The following BCHE variants were observed in gnomAD, a reference collection of about 807,000 sequenced individuals.
BCHE encodes butyrylcholinesterase, also known as cholinesterase.
BCHE carries 48 observed loss-of-function variants against 51.3 expected under a neutral mutation model. The ratio of observed to expected loss-of-function variants is 0.94; its 90% CI spans 0.74 to 1.19. The LOEUF (loss-of-function observed/expected upper bound fraction) is 1.19, where lower values mean the gene tolerates loss of function less well. Ranked by LOEUF, BCHE falls within the 50% of genes most tolerant of loss-of-function variation. The pLI is 0.00. For synonymous variants in BCHE, 251 were observed against 238.0 expected (o/e 1.05, Z -0.50); for missense variants, 847 against 708.2 (o/e 1.20, Z -2.23).
chr3:165,834,286 T>G (rs866649820), intron 1 of BCHE, among the ~76,000 whole-genome samples: 2 of 152,038 alleles, frequency 1.3e-5, no homozygotes, highest in African/African-American at 2.4e-5. Flanking sequence ...TCTTGTTATA[T>G]AATAATATGG....
intron 1 of BCHE, 34 bp from the exon 2 acceptor site, chr3:165,831,075 C>A (rs759028159): frequency 7.9e-6 from 12 of 1,520,398 alleles, no homozygotes; most frequent in Non-Finnish European, 1.1e-5. Context: ...TTTTATAAGC[C>A]TTCTGCATAT....
At chr3:165,804,562 G>A (rs1007163586) in intron 2 of BCHE, among the ~76,000 whole-genome samples, 3 of 152,178 alleles carry the variant, frequency 2.0e-5, no homozygotes, top group Non-Finnish European at 4.4e-5. Context: ...GAGGGAGGTA[G>A]AGAGGACTTG....
chr3:165,799,116 T>C (rs1713539197), intron 2 of BCHE, among the ~76,000 whole-genome samples: 1 of 152,154 alleles, frequency 6.6e-6, no homozygotes, highest in Admixed American at 6.5e-5. Flanking sequence ...TTTTTCAACT[T>C]TTAAGTTAAA....
intron 3 of BCHE, among the ~76,000 whole-genome samples, chr3:165,776,442 T>C (rs1192179427): frequency 2.0e-5 from 3 of 151,814 alleles, no homozygotes; most frequent in Admixed American, 6.6e-5. Flanking sequence ...ATAATAGCAA[T>C]GTTGATTGTC....
chr3:165,794,326 G>T (rs1480633529), intron 2 of BCHE, among the ~76,000 whole-genome samples: 1 of 152,098 alleles, frequency 6.6e-6, no homozygotes, highest in Non-Finnish European at 1.5e-5. Context: ...AAAGAAAAAT[G>T]TAAGTATTTT....
chr3:165,826,700 C>T (rs1018640997), intron 2 of BCHE, among the ~76,000 whole-genome samples: 15 of 152,040 alleles, frequency 9.9e-5, no homozygotes, highest in African/African-American at 2.2e-4. Flanking sequence ...TAAAACATTT[C>T]ATGAATCATG....
At chr3:165,773,566 A>C in intron 3 of BCHE, 60 bp from the exon 4 acceptor site, 2 of 1,444,254 alleles carry the variant, frequency 1.4e-6, no homozygotes, top group Non-Finnish European at 1.9e-6. Context: ...TTAACTGAAA[A>C]ATAATTTCGA....
At chr3:165,811,030 C>T (rs139708521) in intron 2 of BCHE, among the ~76,000 whole-genome samples, 46 of 152,088 alleles carry the variant, frequency 3.0e-4, no homozygotes, top group East Asian at 1.9e-3. Flanking sequence ...TGCACAGTGA[C>T]GATACAAGTA....
chr3:165,793,056 G>C (rs551615316), intron 2 of BCHE, among the ~76,000 whole-genome samples: 5 of 152,028 alleles, frequency 3.3e-5, no homozygotes, highest in African/African-American at 9.6e-5. Flanking sequence ...TCTAAATTTG[G>C]TTTTGTTACC....
In BCHE at chr3:165,830,696, T is replaced by A; in HGVS notation, c.338A>T (p.Asn113Ile). 1 of 1,613,912 alleles carries A rather than the reference T, an allele frequency of 6.2e-7. No individual in the cohort carries two copies. Among genetic ancestry groups the A allele is most frequent in the East Asian group, 2.2e-5 (1 of 44,888 alleles). Residue 113 changes from asparagine to isoleucine, a missense_variant, in exon 2 of 4, where the codon AAC becomes ATC. Asn to Ile is a moderately radical substitution (Grantham distance 149). Coordinates refer to ENST00000264381, the MANE Select transcript of BCHE (RefSeq NM_000055.4). ...GFHGSEMWNP[N>I]TDLSEDCLYL... The stretch of plus-strand genomic sequence containing the variant: ...TAAACAGTCTTCACTGAGGTCAGTG[T>A]TTGGGTTCCACATCTCTGATCCATG...
chr3:165,806,582 G>A (rs1298021727), intron 2 of BCHE, among the ~76,000 whole-genome samples: 1 of 151,714 alleles, frequency 6.6e-6, no homozygotes, highest in Non-Finnish European at 1.5e-5. Flanking sequence ...ATAAATATTT[G>A]TGAAGTGATT....
At chr3:165,794,900 G>A (rs990740955) in intron 2 of BCHE, among the ~76,000 whole-genome samples, 18 of 151,790 alleles carry the variant, frequency 1.2e-4, no homozygotes, top group African/African-American at 4.4e-4. Flanking sequence ...CTGTAACAAT[G>A]CCAAATTATA....
At chr3:165,820,681 G>A (rs561234147) in intron 2 of BCHE, among the ~76,000 whole-genome samples, 1 of 151,872 alleles carries the variant, frequency 6.6e-6, no homozygotes, top group African/African-American at 2.4e-5. Flanking sequence ...TTATCTGTCG[G>A]AAAATCTAAT....
At chr3:165,825,305 A>G (rs1714677513) in intron 2 of BCHE, among the ~76,000 whole-genome samples, 2 of 150,534 alleles carry the variant, frequency 1.3e-5, no homozygotes, top group Non-Finnish European at 3.0e-5. Flanking sequence ...ATGAACCTCA[A>G]TGCCTACATT....
intron 3 of BCHE, among the ~76,000 whole-genome samples, chr3:165,784,326 A>G (rs1712853521): frequency 6.6e-6 from 1 of 152,002 alleles, no homozygotes; most frequent in Non-Finnish European, 1.5e-5. Flanking sequence ...TTTTGTTCAA[A>G]TGTAACATTT....
chr3:165,819,946 A>C (rs1463217024), intron 2 of BCHE, among the ~76,000 whole-genome samples: 1 of 152,154 alleles, frequency 6.6e-6, no homozygotes, highest in African/African-American at 2.4e-5. Flanking sequence ...TGATTTATTA[A>C]TATTAGACTG....
intron 1 of BCHE, 121 bp from the exon 2 acceptor site, chr3:165,831,162 A>G (rs1714970934): frequency 1.1e-6 from 1 of 933,096 alleles, no homozygotes; most frequent in Non-Finnish European, 1.6e-6. Flanking sequence ...AAACAAATAA[A>G]CCTGCTTCTG....
chr3:165,804,633 T>C (rs1713805529), intron 2 of BCHE, among the ~76,000 whole-genome samples: 1 of 152,134 alleles, frequency 6.6e-6, no homozygotes, highest in Non-Finnish European at 1.5e-5. Context: ...TTTTGTTTTC[T>C]TGTGTGTGAG....
At chr3:165,821,448 G>T (rs1714513177) in intron 2 of BCHE, among the ~76,000 whole-genome samples, 2 of 151,020 alleles carry the variant, frequency 1.3e-5, no homozygotes, top group African/African-American at 4.9e-5. Flanking sequence ...AAAAAAAAGA[G>T]AGAGAGAGCG....
Sources: gnomAD v4.1 joint callset for allele counts (sites outside exome capture counted in the v4.1 genomes callset) on GRCh38, gnomAD v4.1.1 for gene constraint, MANE v1.5 for transcripts, NCBI Gene and HGNC (gene_info 2026-07-23, HGNC 2026-07-21) for gene names.